Variants in UNC80 observed in about 807,000 individuals in gnomAD.
UNC80 encodes protein unc-80 homolog.
In UNC80, 164 loss-of-function variants were observed where a neutral mutation model predicts 384.6. That is an observed-to-expected ratio of 0.43 (90% CI 0.38 to 0.49). UNC80 has a LOEUF of 0.49. Among genes scored for constraint, UNC80 ranks in the 20% least tolerant of loss-of-function variants. UNC80 has a pLI of 0.00. For synonymous variants in UNC80, 1,486 were observed against 1,527.8 expected (o/e 0.97, Z 0.64); for missense variants, 3,330 against 4,143.0 (o/e 0.80, Z 5.39).
intron 9 of UNC80, 40 bp downstream of exon 9, chr2:209,815,431 T>C (rs1292509249): frequency 2.6e-6 from 4 of 1,534,938 alleles, no homozygotes; most frequent in African/African-American, 2.8e-5. Flanking sequence ...TTTTGGTAAA[T>C]AAAAAATGTC....
chr2:209,840,177 G>C (rs1209950157), intron 19 of UNC80, among the ~76,000 whole-genome samples: 1 of 151,920 alleles, frequency 6.6e-6, no homozygotes, highest in African/African-American at 2.4e-5. Flanking sequence ...AAGTTAGCTA[G>C]TAGGTGAGGT....
At chr2:209,910,584 A>C (rs1480218029) in intron 29 of UNC80, among the ~76,000 whole-genome samples, 1 of 151,302 alleles carries the variant, frequency 6.6e-6, no homozygotes. Flanking sequence ...TAAATATTTG[A>C]GGAACTTGAC....
intron 43 of UNC80, among the ~76,000 whole-genome samples, chr2:209,940,087 C>G (rs1033463074): frequency 3.3e-5 from 5 of 152,208 alleles, no homozygotes; most frequent in African/African-American, 1.2e-4. Flanking sequence ...TTGAGAACCA[C>G]TGCTCTAAGC....
intron 25 of UNC80, among the ~76,000 whole-genome samples, chr2:209,881,684 A>G (rs933406079): frequency 6.6e-6 from 1 of 152,084 alleles, no homozygotes; most frequent in Non-Finnish European, 1.5e-5. Flanking sequence ...TGTGTGGTAT[A>G]CCATGAAGGC....
In UNC80 at chr2:209,817,075, GA is replaced by G; in HGVS notation, c.1503del (p.Glu502LysfsTer16). 6.4e-7 allele frequency: 1 copy of G among 1,551,788 alleles called. No individual in the cohort carries two copies. Among genetic ancestry groups the G allele is most frequent in the Non-Finnish European group, 8.7e-7 (1 of 1,147,032 alleles). On this transcript the variant is annotated frameshift_variant, in exon 10 of 65. Coordinates refer to ENST00000673920, the MANE Select transcript of UNC80 (RefSeq NM_001371986.1). LOFTEE classifies it high-confidence loss of function. Reference sequence around the variant, plus strand: ...TCCTTTGGAAGTTTCTCTGGGCTGGGAGAAGACAGGCGAGGAATTGAGAAAG... The same window carrying G: ...TCCTTTGGAAGTTTCTCTGGGCTGGGGAAGACAGGCGAGGAATTGAGAAAG... ...TFSFGSFSGL[G>X]EDRRGIEKGG...
intron 35 of UNC80, among the ~76,000 whole-genome samples, chr2:209,925,996 C>G (rs1201842499): frequency 6.6e-6 from 1 of 152,082 alleles, no homozygotes; most frequent in African/African-American, 2.4e-5. Flanking sequence ...TGTTAAATAC[C>G]TTTTCTACCT....
intron 11 of UNC80, among the ~76,000 whole-genome samples, chr2:209,818,305 G>A (rs2079889930): frequency 6.6e-6 from 1 of 151,836 alleles, no homozygotes; most frequent in Non-Finnish European, 1.5e-5. Context: ...ACCTTCAGCG[G>A]GAGGAAAGTC....
At chr2:209,790,160 T>C (rs552111382) in intron 6 of UNC80, among the ~76,000 whole-genome samples, 2 of 152,112 alleles carry the variant, frequency 1.3e-5, no homozygotes, top group Non-Finnish European at 2.9e-5. Flanking sequence ...CAGTGCAAAT[T>C]TGTCATGTTT....
Position 209,797,772 on chromosome 2 carries a change from A to T in UNC80, c.938+3913A>T, listed in dbSNP as rs560056159. 3.3e-5 allele frequency among the ~76,000 whole-genome samples: 5 copies of T among 152,266 alleles called. No individual in the cohort carries two copies. In the South Asian group the frequency reaches 1.0e-3, roughly 32 times the overall value. ...AACGGTTGAACTAATTTACATTCCC[A>T]CCAACAGTGTAAAAGCATTCCTATT... On this transcript the variant is annotated intron_variant, in intron 7 of 64. Transcript: ENST00000673920.
At position 209,896,575 on chromosome 2, in the gene UNC80, A is replaced by G. The variant is rs111996597; in HGVS notation, c.4581+162A>G. Among the ~76,000 whole-genome samples, 328 of 152,242 alleles carry G rather than the reference A, an allele frequency of 2.2e-3. 1 individual carries two copies. The highest frequency in any genetic ancestry group is 7.6e-3 in the African/African-American group (316 of 41,538). On this transcript the variant is annotated intron_variant, in intron 28 of 64. Coordinates refer to ENST00000673920, the MANE Select transcript of UNC80 (RefSeq NM_001371986.1). ...ACCTGAATATCTCAACACTCTCTAG[A>G]ATTGGTATTCTGCTGGATTGTACTC...
chr2:209,842,496 C>A (rs1219039656), intron 21 of UNC80, 50 bp downstream of exon 21: 2 of 1,328,300 alleles, frequency 1.5e-6, no homozygotes, highest in Non-Finnish European at 2.1e-6. Context: ...TCACACAGAA[C>A]AAAAACTTGA....
chr2:209,907,912 AC>A (rs1402378430), intron 29 of UNC80, among the ~76,000 whole-genome samples: 2 of 152,272 alleles, frequency 1.3e-5, no homozygotes, highest in Non-Finnish European at 2.9e-5. Flanking sequence ...GAAAAAGCTT[AC>A]CAACCTTCTG....
At chr2:209,797,972 C>G (rs150404965) in intron 7 of UNC80, among the ~76,000 whole-genome samples, 3,269 of 152,214 alleles carry the variant, frequency 0.021, 37 homozygotes, top group Non-Finnish European at 0.034. Flanking sequence ...TGAGAAATGA[C>G]TGTTCATATC....
At chr2:209,975,368 A>G (rs1372408560) in intron 56 of UNC80, among the ~76,000 whole-genome samples, 1 of 152,208 alleles carries the variant, frequency 6.6e-6, no homozygotes, top group Non-Finnish European at 1.5e-5. Flanking sequence ...TTGTCCTGAC[A>G]CACGGTTTGG....
rs757816834 is a variant in UNC80 at position 209,840,589 on chromosome 2, G to A, written c.3298G>A (p.Glu1100Lys). The A allele has an allele frequency of 5.8e-6, 9 of 1,551,882 alleles. No individual in the cohort carries two copies. The highest frequency in any genetic ancestry group is 6.1e-6 in the Non-Finnish European group (7 of 1,147,018). The stretch of plus-strand genomic sequence containing the variant: ...CCTCTCAGGCCTGGCAGATGGTGTG[G>A]AGGACCTCCTGGACATTAGCTCTGT... ...SSLSGLADGV[E>K]DLLDISSVDR... Residue 1100 changes from glutamate to lysine, a missense_variant, in exon 20 of 65, where the codon GAG (glutamate) becomes AAG (lysine). By Grantham distance (56) the Glu-to-Lys change is moderately conservative (BLOSUM62 1). Coordinates refer to ENST00000673920, the MANE Select transcript of UNC80 (RefSeq NM_001371986.1).
intron 47 of UNC80, among the ~76,000 whole-genome samples, chr2:209,953,416 C>CAAAAAAAAAA (rs543990253): frequency 2.4e-5 from 1 of 42,438 alleles, no homozygotes; most frequent in African/African-American, 7.7e-5. Context: ...AAGACTCTGT[C>CAAAAAAAAAA]AAAAAAAAAA....
At position 209,996,235 on chromosome 2, in the gene UNC80, A is replaced by T. The variant is rs1310685129; in HGVS notation, c.*640A>T. The T allele has an allele frequency of 1.3e-5, 2 of 152,302 alleles. No homozygotes were observed. The highest frequency in any genetic ancestry group is 2.9e-5 in the Non-Finnish European group (2 of 68,098). 9.4% of individuals were successfully genotyped at this position (152,302 alleles called of 1,614,324 possible). On this transcript the variant is annotated 3_prime_UTR_variant, in exon 65 of 65. Coordinates refer to ENST00000673920, the MANE Select transcript of UNC80 (RefSeq NM_001371986.1). ...TCATTTTCATTGCATGTTGTAAATC[A>T]AAATGCAGATGGCATAAGATCATCC... is the stretch of plus-strand genomic sequence containing the variant.
intron 22 of UNC80, among the ~76,000 whole-genome samples, chr2:209,853,687 C>T (rs1426899548): frequency 1.3e-5 from 2 of 152,016 alleles, no homozygotes; most frequent in Non-Finnish European, 2.9e-5. Flanking sequence ...AAAGGTATGT[C>T]TACTTCCTAT....
chr2:209,940,840 A>G (rs143372018), intron 43 of UNC80, among the ~76,000 whole-genome samples: 146 of 152,188 alleles, frequency 9.6e-4, no homozygotes, highest in African/African-American at 3.3e-3. Flanking sequence ...ACAAAAAACA[A>G]AACGCTTCAG....
Sources: allele counts gnomAD v4.1 joint callset (sites outside exome capture counted in the v4.1 genomes callset), GRCh38; gene constraint gnomAD v4.1.1; transcripts MANE v1.5; gene names NCBI Gene and HGNC (gene_info 2026-07-23, HGNC 2026-07-21).